Variants in DYSF observed in about 807,000 individuals in gnomAD.
The protein encoded by DYSF is dysferlin, also known as dystrophy-associated fer-1-like 1.
In DYSF, 212 loss-of-function variants were observed where a neutral mutation model predicts 274.9. The observed-to-expected ratio is 0.77, with a 90% CI of 0.69 to 0.86. DYSF has a LOEUF of 0.86. Ranked by LOEUF, DYSF falls within the 40% of genes least tolerant of loss-of-function variation. DYSF has a pLI of 0.00. For synonymous variants in DYSF, 1,091 were observed against 1,078.7 expected (o/e 1.01, Z -0.22); for missense variants, 2,666 against 2,783.2 (o/e 0.96, Z 0.95).
intron 1 of DYSF, among the ~76,000 whole-genome samples, chr2:71,474,583 G>A (rs1238676366): frequency 6.6e-6 from 1 of 152,188 alleles, no homozygotes; most frequent in Non-Finnish European, 1.5e-5. Flanking sequence ...CTTGGTGCCT[G>A]TAAATCACGT....
chr2:71,611,212 C>T, intron 36 of DYSF, 33 bp from the exon 37 acceptor site: 1 of 1,530,048 alleles, frequency 6.5e-7, no homozygotes. Flanking sequence ...TTCCTTCCAC[C>T]TTTGTCTCCA....
At chr2:71,569,678 A>ACCCTT in intron 26 of DYSF, 142 bp from the exon 27 acceptor site, 1 of 725,480 alleles carries the variant, frequency 1.4e-6, no homozygotes, top group East Asian at 2.7e-5. Flanking sequence ...GGTCTCTTGC[A>ACCCTT]CCCTTCCCTC....
intron 55 of DYSF, among the ~76,000 whole-genome samples, chr2:71,685,897 G>T (rs1188831890): frequency 6.6e-6 from 1 of 152,196 alleles, no homozygotes; most frequent in Non-Finnish European, 1.5e-5. Context: ...AGCAGGCAGG[G>T]CTCAATCAAG....
At chr2:71,516,309 CGTGTGTGTTTGTGCACGT>C in intron 9 of DYSF, 67 bp downstream of exon 9, 1 of 1,488,394 alleles carries the variant, frequency 6.7e-7, no homozygotes, top group Non-Finnish European at 9.4e-7. Flanking sequence ...AGTGCACACG[CGTGTGTGTTTGTGCACGT>C]GTGTGCATGT....
rs766204227 is a variant in DYSF, at chr2:71,570,731, C to T, written c.3218C>T (p.Ala1073Val). 13 of 1,613,772 alleles carry T rather than the reference C, an allele frequency of 8.1e-6. No individual in the cohort carries two copies. Among genetic ancestry groups the T allele is most frequent in the Admixed American group, 3.3e-5 (2 of 59,992 alleles). Residue 1073 changes from alanine (A) to valine (V), a missense_variant, in exon 29 of 56, where the codon GCA (alanine) becomes GTA (valine). By Grantham distance (64) the Ala-to-Val change is moderately conservative. This residue lies in a region of DYSF where 1,460 missense variants were observed against 1,502.1 expected (regional missense o/e 0.97). Coordinates refer to ENST00000410020, the MANE Select transcript of DYSF (RefSeq NM_001130987.2). ...AGGAGGGATCTCAGCCAAATGGAAGCACTGAAAAGGGTGAGCCAGCAGGTG... is the reference window on the plus strand; with the variant it reads ...AGGAGGGATCTCAGCCAAATGGAAGTACTGAAAAGGGTGAGCCAGCAGGTG... ...LRRRDLSQME[A>V]LKRHRQAEAE...
intron 17 of DYSF, 149 bp from the exon 18 acceptor site, chr2:71,550,892 G>A (rs1013959627): frequency 3.7e-5 from 25 of 683,464 alleles, no homozygotes; most frequent in African/African-American, 2.8e-4. Context: ...CGCTCGTGGC[G>A]TTCTTCTTTA....
chr2:71,641,820 TCA>T (rs1194825955), intron 41 of DYSF, among the ~76,000 whole-genome samples: 5 of 152,202 alleles, frequency 3.3e-5, no homozygotes, highest in African/African-American at 1.2e-4. Context: ...TTAAAATTTC[TCA>T]TTTTTCTAGT....
At chr2:71,535,385 T>A in intron 16 of DYSF, 74 bp downstream of exon 16, 1 of 1,423,296 alleles carries the variant, frequency 7.0e-7, no homozygotes. Context: ...TTCATTCGGC[T>A]CAGTGACTGG....
chr2:71,552,498 C>T (rs187116026), intron 19 of DYSF, among the ~76,000 whole-genome samples: 5 of 152,228 alleles, frequency 3.3e-5, no homozygotes, highest in African/African-American at 1.2e-4. Flanking sequence ...TGTCCCCATC[C>T]CGTGCTCAGA....
chr2:71,481,599 A>T (rs1405292467), intron 2 of DYSF, among the ~76,000 whole-genome samples: 1 of 152,064 alleles, frequency 6.6e-6, no homozygotes, highest in Non-Finnish European at 1.5e-5. Flanking sequence ...GTTGAAACTG[A>T]GTTGGGAGAG....
chr2:71,564,308 C>G, intron 24 of DYSF, 95 bp downstream of exon 24: 1 of 1,525,986 alleles, frequency 6.6e-7, no homozygotes, highest in Non-Finnish European at 9.1e-7. Context: ...CTTGACCTAT[C>G]TTAGTTCTTA....
Position 71,513,332 on chromosome 2 carries a change from G to C in DYSF, c.553G>C (p.Asp185His), listed in dbSNP as rs754784694. ...YSGKKWPAPT[D>H]TGGEEDTEDQ... ...TGGAAAGAAGTGGCCGGCCCCCACG[G>C]GTGAGACACGGGCCAGGACTGTCCT... Residue 185 changes from aspartate (D) to histidine (H), a missense_variant and splice_region_variant, in exon 6 of 56, where the codon GAC becomes CAC. Physicochemically the swap from Asp to His is moderately conservative, Grantham distance 81 (BLOSUM62 -1). Coordinates refer to ENST00000410020, the MANE Select transcript of DYSF (RefSeq NM_001130987.2). The C allele has an allele frequency of 1.9e-6, 3 of 1,551,560 alleles. No individual in the cohort carries two copies. Among genetic ancestry groups the C allele is most frequent in the Non-Finnish European group, 1.7e-6 (2 of 1,146,918 alleles).
rs1024508076 is a variant in DYSF, at chr2:71,590,155, G to A, written c.3497-56G>A. 3.1e-6 allele frequency: 5 copies of A among 1,590,584 alleles called. No homozygotes were observed. The East Asian group carries it at 1.1e-4, about 36-fold the overall frequency. On this transcript the variant is annotated intron_variant, in intron 31 of 55. Coordinates refer to ENST00000410020, the MANE Select transcript of DYSF (RefSeq NM_001130987.2). Reference sequence around the variant, plus strand: ...AGACTCCACCTCCCCCCGAGCCCCAGCTCTTAACCACTCCAGCCACTCACT... The same window carrying A: ...AGACTCCACCTCCCCCCGAGCCCCAACTCTTAACCACTCCAGCCACTCACT...
At chr2:71,479,930 T>A (rs1427899211) in intron 1 of DYSF, among the ~76,000 whole-genome samples, 2 of 152,238 alleles carry the variant, frequency 1.3e-5, no homozygotes, top group Admixed American at 6.5e-5. Flanking sequence ...ATCATAAAAT[T>A]CACCATTTGA....
chr2:71,466,070 G>C (rs572235144), upstream of DYSF, among the ~76,000 whole-genome samples: 12 of 152,282 alleles, frequency 7.9e-5, no homozygotes, highest in African/African-American at 2.9e-4. Flanking sequence ...AGGAGGGTTG[G>C]TGGGGACTCG....
chr2:71,466,216 G>A (rs1021163804), upstream of DYSF, among the ~76,000 whole-genome samples: 1 of 152,196 alleles, frequency 6.6e-6, no homozygotes, highest in African/African-American at 2.4e-5. Context: ...AATGAGGCGG[G>A]GGGCTCGGGG....
At chr2:71,639,310 C>G (rs960391076) in intron 41 of DYSF, among the ~76,000 whole-genome samples, 1 of 152,112 alleles carries the variant, frequency 6.6e-6, no homozygotes. Context: ...TATTTTGAAG[C>G]ATCTTGCTGT....
In DYSF at chr2:71,564,158, G is replaced by A. The variant is rs748636047; in HGVS notation, c.2510G>A (p.Arg837Gln). The A allele has an allele frequency of 3.5e-5, 56 of 1,614,150 alleles. No individual in the cohort carries two copies. Among genetic ancestry groups the A allele is most frequent in the Middle Eastern group, 1.6e-4 (1 of 6,084 alleles). ...GCCCACCAAGTCCTCTTCTCCCGGC[G>A]GGGTGCCAACTACTGTGGCAAGAAT... is the stretch of plus-strand genomic sequence containing the variant. ...VPAHQVLFSR[R>Q]GANYCGKNCG... Residue 837 changes from arginine (R) to glutamine (Q), a missense_variant, in exon 24 of 56, where the codon CGG (arginine) becomes CAG (glutamine). This residue lies in a region of DYSF where 412 missense variants were observed against 504.0 expected (regional missense o/e 0.82). Coordinates refer to ENST00000410020, the MANE Select transcript of DYSF (RefSeq NM_001130987.2).
At chr2:71,678,336 C>T (rs1011856794) in intron 52 of DYSF, among the ~76,000 whole-genome samples, 1 of 151,730 alleles carries the variant, frequency 6.6e-6, no homozygotes, top group African/African-American at 2.4e-5. Context: ...GAATCTTACT[C>T]AACCATAAAA....
Sources: gnomAD v4.1 joint callset for allele counts (sites outside exome capture counted in the v4.1 genomes callset) on GRCh38, gnomAD v4.1.1 for gene constraint, gnomAD v4.1.1 regional missense constraint, MANE v1.5 for transcripts, NCBI Gene and HGNC (gene_info 2026-07-23, HGNC 2026-07-21) for gene names.